Variants in ATXN1 observed in about 807,000 individuals in gnomAD.
The protein encoded by ATXN1 is ataxin 1.
ATXN1 carries 8 observed loss-of-function variants against 56.4 expected under a neutral mutation model. The observed-to-expected ratio is 0.14, with a 90% CI of 0.08 to 0.26. The LOEUF (loss-of-function observed/expected upper bound fraction) is 0.26, where lower values mean the gene tolerates loss of function less well. ATXN1 is among the 10% of genes least tolerant of loss of function. The pLI, the probability that ATXN1 is intolerant of heterozygous loss-of-function variation, is 1.00. For synonymous variants in ATXN1, 514 were observed against 494.6 expected, an observed-to-expected ratio of 1.04 and a Z score of -0.52; for missense variants, 987 against 1,106.5, an observed-to-expected ratio of 0.89 and a Z score of 1.53.
At position 16,416,788 on chromosome 6, in the gene ATXN1, G is replaced by A. The variant is rs1422798144; in HGVS notation, c.-161+69184C>T. On this transcript the variant is annotated intron_variant, in intron 6 of 7. Transcript: ENST00000436367. The stretch of plus-strand genomic sequence containing the variant: ...TCCTCACTGTGTTACAGCCGAGCTG[G>A]TACACACTGGAATTCCTGAATTCCT... Among the ~76,000 whole-genome samples, 6 of 152,192 alleles carry A rather than the reference G, an allele frequency of 3.9e-5. No homozygotes were observed. The East Asian group carries it at 1.2e-3, about 29-fold the overall frequency.
chr6:16,361,317 C>T (rs907636410), intron 6 of ATXN1, among the ~76,000 whole-genome samples: 1 of 152,220 alleles, frequency 6.6e-6, no homozygotes, highest in Non-Finnish European at 1.5e-5. Flanking sequence ...GTTTCTGAAA[C>T]AGGATTCAAG....
intron 4 of ATXN1, among the ~76,000 whole-genome samples, chr6:16,581,373 G>T (rs1342911130): frequency 6.6e-6 from 1 of 152,028 alleles, no homozygotes; most frequent in Non-Finnish European, 1.5e-5. Context: ...GAAGAGAGCA[G>T]CTGACCAGGG....
At chr6:16,714,766 T>C (rs1332891919) in intron 2 of ATXN1, among the ~76,000 whole-genome samples, 2 of 152,158 alleles carry the variant, frequency 1.3e-5, no homozygotes, top group Non-Finnish European at 2.9e-5. Context: ...TTTTTCTGTG[T>C]TTCAAAGGGG....
intron 3 of ATXN1, among the ~76,000 whole-genome samples, chr6:16,601,647 G>A (rs1314755752): frequency 1.5e-4 from 23 of 152,064 alleles, no homozygotes; most frequent in African/African-American, 4.3e-4. Flanking sequence ...TCAGGAGATC[G>A]AGACCATCCT....
At chr6:16,400,318 T>C (rs1758541473) in intron 6 of ATXN1, among the ~76,000 whole-genome samples, 1 of 152,204 alleles carries the variant, frequency 6.6e-6, no homozygotes, top group African/African-American at 2.4e-5. Flanking sequence ...GCCCTGTTTC[T>C]CCTACAGCCC....
intron 6 of ATXN1, among the ~76,000 whole-genome samples, chr6:16,425,078 T>C (rs1581753202): frequency 6.6e-6 from 1 of 152,334 alleles, no homozygotes; most frequent in East Asian, 1.9e-4. Flanking sequence ...AGCTATGGCC[T>C]TTTTTCCCTC....
intron 4 of ATXN1, among the ~76,000 whole-genome samples, chr6:16,529,216 T>G (rs1280000935): frequency 6.0e-5 from 9 of 150,678 alleles, no homozygotes; most frequent in East Asian, 5.8e-4. Context: ...TTGTTTTTTT[T>G]TTTTTTTTGT....
intron 1 of ATXN1, chr6:16,754,069 T>C (rs756529491): frequency 1.3e-5 from 2 of 152,202 alleles, no homozygotes; most frequent in Admixed American, 6.5e-5. Flanking sequence ...TTGGTGCTTG[T>C]AGTAGTTTTT....
At chr6:16,450,527 G>A (rs1759733116) in intron 6 of ATXN1, among the ~76,000 whole-genome samples, 1 of 152,194 alleles carries the variant, frequency 6.6e-6, no homozygotes, top group Non-Finnish European at 1.5e-5. Context: ...ATTACTCAGA[G>A]AGACGTAGGT....
intron 2 of ATXN1, among the ~76,000 whole-genome samples, chr6:16,749,570 G>T (rs1196668446): frequency 2.6e-5 from 4 of 152,048 alleles, no homozygotes; most frequent in African/African-American, 9.7e-5. Context: ...AGTTTCCAAG[G>T]TGCCTGAGCT....
intron 6 of ATXN1, among the ~76,000 whole-genome samples, chr6:16,450,823 C>T (rs1057476590): frequency 6.6e-6 from 1 of 152,214 alleles, no homozygotes; most frequent in African/African-American, 2.4e-5. Flanking sequence ...CATTCCTAAA[C>T]ATCATGGAGA....
intron 3 of ATXN1, among the ~76,000 whole-genome samples, chr6:16,636,617 A>G (rs1231159112): frequency 6.6e-6 from 1 of 152,246 alleles, no homozygotes; most frequent in Non-Finnish European, 1.5e-5. Flanking sequence ...GGCTACTAAC[A>G]TAAAAGGTAA....
In ATXN1 at chr6:16,592,055, A is replaced by G. The variant is rs377565899; in HGVS notation, c.-488-6148T>C. Among the ~76,000 whole-genome samples the G allele has an allele frequency of 9.9e-4, 150 of 152,172 alleles. 1 individual carries two copies. Among genetic ancestry groups the G allele is most frequent in the African/African-American group, 3.5e-3 (146 of 41,508 alleles). Reference sequence around the variant, plus strand: ...AAGACAAATGTTCAGTTAGCTATTGATTCCATGCACTCATTTAATGGAAAT... The same window carrying G: ...AAGACAAATGTTCAGTTAGCTATTGGTTCCATGCACTCATTTAATGGAAAT... On this transcript the variant is annotated intron_variant, in intron 3 of 7. Coordinates refer to ENST00000436367, the MANE Select transcript of ATXN1 (RefSeq NM_001128164.2).
At position 16,395,270 on chromosome 6, in the gene ATXN1, C is replaced by CAAAAAAA. The variant is rs748314030; in HGVS notation, c.-160-66807_-160-66801dup. Among the ~76,000 whole-genome samples the CAAAAAAA allele has an allele frequency of 6.5e-3, 315 of 48,372 alleles. 15 individuals are homozygous for CAAAAAAA. The highest frequency in any genetic ancestry group is 0.026 in the African/African-American group (282 of 11,038). The allele number at this position is 48,372 out of a possible 152,430, so 31.7% of individuals were successfully genotyped here. On this transcript the variant is annotated intron_variant, in intron 6 of 7. Transcript: ENST00000436367. ...GGCCAACAAGAGCGAAACTCCGTCT[C>CAAAAAAA]AAAAAAAAAAAAAAAAAAAAACAAG...
chr6:16,576,763 C>T (rs1762429272), intron 4 of ATXN1, among the ~76,000 whole-genome samples: 1 of 152,162 alleles, frequency 6.6e-6, no homozygotes, highest in African/African-American at 2.4e-5. Flanking sequence ...AATGCACATA[C>T]AAATAAGCTC....
chr6:16,625,239 C>T (rs759613871), intron 3 of ATXN1, among the ~76,000 whole-genome samples: 2 of 152,210 alleles, frequency 1.3e-5, no homozygotes, highest in Non-Finnish European at 2.9e-5. Flanking sequence ...GAAGAGAGTA[C>T]TACCTACCCT....
chr6:16,417,629 G>A (rs1056523872), intron 6 of ATXN1, among the ~76,000 whole-genome samples: 9 of 151,906 alleles, frequency 5.9e-5, no homozygotes, highest in East Asian at 1.9e-4. Context: ...TACTAGAGAC[G>A]GGGTTTCGCC....
chr6:16,620,835 C>T (rs1162628327), intron 3 of ATXN1, among the ~76,000 whole-genome samples: 1 of 152,174 alleles, frequency 6.6e-6, no homozygotes, highest in East Asian at 1.9e-4. Context: ...ACTCCGCTGG[C>T]CAGCACCACA....
At chr6:16,544,493 TC>T (rs1247349678) in intron 4 of ATXN1, among the ~76,000 whole-genome samples, 1 of 152,090 alleles carries the variant, frequency 6.6e-6, no homozygotes, top group Non-Finnish European at 1.5e-5. Flanking sequence ...CATGTGAAAC[TC>T]CCCCTAATGA....
Sources: gnomAD v4.1 joint callset for allele counts (sites outside exome capture counted in the v4.1 genomes callset) on GRCh38, gnomAD v4.1.1 for gene constraint, MANE v1.5 for transcripts, NCBI Gene and HGNC (gene_info 2026-07-23, HGNC 2026-07-21) for gene names.